The following SV2B variants were observed in gnomAD, a reference collection of about 807,000 sequenced individuals.
The protein encoded by SV2B is solute carrier family 22 member B2.
Under a neutral mutation model 73.9 loss-of-function variants are expected in SV2B, and 41 were observed. The observed-to-expected ratio is 0.56, with a 90% CI of 0.43 to 0.72. The LOEUF is 0.72. Ranked by LOEUF, SV2B falls within the 30% of genes least tolerant of loss-of-function variation. The pLI is 0.00. For synonymous variants in SV2B, 314 were observed against 314.2 expected (o/e 1.00, Z 0.01); for missense variants, 764 against 857.8 (o/e 0.89, Z 1.37).
intron 2 of SV2B, among the ~76,000 whole-genome samples, chr15:91,247,567 A>G (rs1396739202): frequency 6.6e-6 from 1 of 152,210 alleles, no homozygotes. Context: ...AAGGGGTTCC[A>G]TAAAGCTGCA....
At position 91,106,284 on chromosome 15, in the gene SV2B, A is replaced by T. The variant is rs776957538; in HGVS notation, c.-392+5921A>T. On this transcript the variant is annotated intron_variant, in intron 1 of 12. Transcript: ENST00000394232. The surrounding 1 kb of genome is among the most constrained non-coding windows in gnomAD (Gnocchi z 4.4). Reference sequence around the variant, plus strand: ...CATTGCATATGAGAGTCTAGAGTTCAGGGAAGAGTTTCAGGAAGGAGACAT... The same window carrying T: ...CATTGCATATGAGAGTCTAGAGTTCTGGGAAGAGTTTCAGGAAGGAGACAT... Among the ~76,000 whole-genome samples, 2 of 152,218 alleles carry T rather than the reference A, an allele frequency of 1.3e-5. No individual in the cohort carries two copies. Among genetic ancestry groups the T allele is most frequent in the Non-Finnish European group, 2.9e-5 (2 of 68,030 alleles).
At chr15:91,216,318 G>T (rs1208981644) in intron 1 of SV2B, among the ~76,000 whole-genome samples, 1 of 152,180 alleles carries the variant, frequency 6.6e-6, no homozygotes, top group East Asian at 1.9e-4. Flanking sequence ...CAAGCAGTCA[G>T]TCGGTAGAAC....
chr15:91,266,865 C>T (rs2048123685), intron 7 of SV2B, 173 bp downstream of exon 7: 6 of 509,436 alleles, frequency 1.2e-5, no homozygotes, highest in Non-Finnish European at 1.7e-5. Flanking sequence ...CTCTAGCTTG[C>T]TGTGTGCCCT....
chr15:91,280,810 C>G lies in SV2B; in HGVS notation c.1374-918C>G, dbSNP rs889116528. Among the ~76,000 whole-genome samples, 2 of 152,202 alleles carry G rather than the reference C, an allele frequency of 1.3e-5. No individual in the cohort carries two copies. Among genetic ancestry groups the G allele is most frequent in the African/African-American group, 4.8e-5 (2 of 41,454 alleles). ...AGTGAAAATTAAGTGTATTATTCCT[C>G]ACTTCCATTGTGCCTCCCTGGAAAC... On this transcript the variant is annotated intron_variant, in intron 9 of 12. Transcript: ENST00000394232. This position sits in a 1 kb window ranked among gnomAD's most constrained non-coding sequence, Gnocchi z 5.8.
chr15:91,102,705 T>A (rs2041767114), intron 1 of SV2B, among the ~76,000 whole-genome samples: 1 of 152,198 alleles, frequency 6.6e-6, no homozygotes, highest in Admixed American at 6.5e-5. Context: ...AAAATAAAGC[T>A]GGCTGAGAGG....
intron 1 of SV2B, among the ~76,000 whole-genome samples, chr15:91,171,386 A>G (rs11634757): frequency 6.6e-6 from 1 of 152,162 alleles, no homozygotes; most frequent in African/African-American, 2.4e-5. Context: ...TCTGAGCACA[A>G]AGCATTTGGC....
chr15:91,204,232 A>G (rs1293624105), intron 1 of SV2B, among the ~76,000 whole-genome samples: 1 of 152,156 alleles, frequency 6.6e-6, no homozygotes, highest in Admixed American at 6.5e-5. Context: ...CAGGGAGTCT[A>G]TCTGGTCTGG....
At chr15:91,102,958 G>T (rs1273931257) in intron 1 of SV2B, among the ~76,000 whole-genome samples, 1 of 152,214 alleles carries the variant, frequency 6.6e-6, no homozygotes, top group Non-Finnish European at 1.5e-5. Flanking sequence ...AAGAGACCCA[G>T]AAAGGAGGCC....
At chr15:91,173,832 G>C (rs1318883893) in intron 1 of SV2B, among the ~76,000 whole-genome samples, 2 of 152,112 alleles carry the variant, frequency 1.3e-5, no homozygotes, top group Non-Finnish European at 2.9e-5. Context: ...TCCTTTTGGT[G>C]CTCTCAGATC....
chr15:91,178,560 C>G (rs2044418169), intron 1 of SV2B, among the ~76,000 whole-genome samples: 1 of 152,148 alleles, frequency 6.6e-6, no homozygotes, highest in African/African-American at 2.4e-5. Context: ...ATTATTGCCA[C>G]AATTTCAGAT....
chr15:91,289,836 G>A lies in SV2B; in HGVS notation c.1868+156G>A, dbSNP rs2048982731. On this transcript the variant is annotated intron_variant, in intron 12 of 12. Transcript: ENST00000394232. This position sits in a 1 kb window ranked among gnomAD's most constrained non-coding sequence, Gnocchi z 4.9. ...TTATGTTGAGCTTCTCCTGCATGGTGGATGGCATAGACCTGAAAGTTGGCA... is the reference window on the plus strand; with the variant it reads ...TTATGTTGAGCTTCTCCTGCATGGTAGATGGCATAGACCTGAAAGTTGGCA... Among the ~76,000 whole-genome samples, 1 of 152,200 alleles carries A rather than the reference G, an allele frequency of 6.6e-6. No individual in the cohort carries two copies. The highest frequency in any genetic ancestry group is 2.4e-5 in the African/African-American group (1 of 41,466).
rs959776051 is a variant in SV2B, at chr15:91,258,188, T to C, written c.785-233T>C. On this transcript the variant is annotated intron_variant, in intron 4 of 12. Coordinates refer to ENST00000394232, the MANE Select transcript of SV2B (RefSeq NM_001323032.3). This position sits in a 1 kb window ranked among gnomAD's most constrained non-coding sequence, Gnocchi z 4.7. ...CAGAATTCCTGGGGATTTGTCAGAA[T>C]GCAGAATTTGCAATGTGAGAAATAT... Among the ~76,000 whole-genome samples, 9 of 152,208 alleles carry C rather than the reference T, an allele frequency of 5.9e-5. No individual in the cohort carries two copies. The highest frequency in any genetic ancestry group is 2.2e-4 in the African/African-American group (9 of 41,448).
chr15:91,201,861 A>G (rs182563616), intron 1 of SV2B, among the ~76,000 whole-genome samples: 1 of 152,018 alleles, frequency 6.6e-6, no homozygotes, highest in Non-Finnish European at 1.5e-5. Context: ...AGAGACTCCT[A>G]TTTGGGCTCC....
At chr15:91,270,136 T>C (rs1031706850) in intron 9 of SV2B, among the ~76,000 whole-genome samples, 1 of 152,178 alleles carries the variant, frequency 6.6e-6, no homozygotes, top group African/African-American at 2.4e-5. Flanking sequence ...ATGTCACCCA[T>C]GGGGTGACAC....
In SV2B at chr15:91,231,346, C is replaced by T. The variant is rs2046567079; in HGVS notation, c.451+4632C>T. 6.6e-6 allele frequency among the ~76,000 whole-genome samples: 1 copy of T among 151,946 alleles called. No individual in the cohort carries two copies. Among genetic ancestry groups the T allele is most frequent in the African/African-American group, 2.4e-5 (1 of 41,370 alleles). On this transcript the variant is annotated intron_variant, in intron 2 of 12. Coordinates refer to ENST00000394232, the MANE Select transcript of SV2B (RefSeq NM_001323032.3). This position sits in a 1 kb window ranked among gnomAD's most constrained non-coding sequence, Gnocchi z 4.5. ...CTGTGGTTTAGGGTGATCACTCTGC[C>T]CCAGTGATTTTGGTACTGAGAGTGC...
At chr15:91,153,075 A>G (rs1882753027) in intron 1 of SV2B, among the ~76,000 whole-genome samples, 1 of 152,142 alleles carries the variant, frequency 6.6e-6, no homozygotes, top group African/African-American at 2.4e-5. Context: ...GACATGCAGA[A>G]GGGCTAAAGG....
rs149911141 is a variant in SV2B at position 91,248,561 on chromosome 15, G to A, written c.452-3258G>A. Among the ~76,000 whole-genome samples the A allele has an allele frequency of 3.5e-3, 533 of 152,324 alleles. 4 individuals are homozygous for A. Among genetic ancestry groups the A allele is most frequent in the African/African-American group, 0.012 (505 of 41,558 alleles). ...GGTGATTAATACCCTCAGAAAGTGAGAGGTTTTGCTCCCAAATCATACAAC... is the reference window on the plus strand; with the variant it reads ...GGTGATTAATACCCTCAGAAAGTGAAAGGTTTTGCTCCCAAATCATACAAC... On this transcript the variant is annotated intron_variant, in intron 2 of 12. Transcript: ENST00000394232.
Position 91,132,039 on chromosome 15 carries a change from A to G in SV2B, c.-392+31676A>G, listed in dbSNP as rs1015398808. 3.3e-5 allele frequency among the ~76,000 whole-genome samples: 5 copies of G among 152,278 alleles called. No homozygotes were observed. The highest frequency in any genetic ancestry group is 5.9e-5 in the Non-Finnish European group (4 of 68,006). ...TGGTAGAGGGTCGTGACTGCAAGTT[A>G]TTGAGGTTCTTGGTGTTTTGAACAA... On this transcript the variant is annotated intron_variant, in intron 1 of 12. Coordinates refer to ENST00000394232, the MANE Select transcript of SV2B (RefSeq NM_001323032.3). The surrounding 1 kb of genome is among the most constrained non-coding windows in gnomAD (Gnocchi z 4.6).
At chr15:91,210,351 T>G (rs2045810793) in intron 1 of SV2B, among the ~76,000 whole-genome samples, 1 of 151,424 alleles carries the variant, frequency 6.6e-6, no homozygotes, top group African/African-American at 2.4e-5. Context: ...CAGGAGGTGG[T>G]AAGTAGTTCG....
Sources: gnomAD v4.1 joint callset for allele counts (sites outside exome capture counted in the v4.1 genomes callset) on GRCh38, gnomAD v4.1.1 for gene constraint, Gnocchi (gnomAD v3.1) non-coding constraint, MANE v1.5 for transcripts, NCBI Gene and HGNC (gene_info 2026-07-23, HGNC 2026-07-21) for gene names.